Variants in PLCE1 observed in about 807,000 individuals in gnomAD.
PLCE1 encodes 1-phosphatidylinositol 4,5-bisphosphate phosphodiesterase epsilon-1.
In PLCE1, 119 loss-of-function variants were observed where a neutral mutation model predicts 242.8. The observed-to-expected ratio is 0.49, with a 90% confidence interval of 0.42 to 0.57. The LOEUF is 0.57. Ranked by LOEUF, PLCE1 falls within the 20% of genes least tolerant of loss-of-function variation. The pLI, the probability that PLCE1 is intolerant of heterozygous loss-of-function variation, is 0.00. For synonymous variants in PLCE1, 945 were observed against 1,017.4 expected (o/e 0.93, Z 1.35); for missense variants, 2,441 against 2,788.8 (o/e 0.88, Z 2.81).
intron 2 of PLCE1, among the ~76,000 whole-genome samples, chr10:94,130,433 C>T (rs1019500160): frequency 3.3e-5 from 5 of 152,146 alleles, no homozygotes; most frequent in Non-Finnish European, 7.4e-5. Flanking sequence ...GAGTATGTTA[C>T]ATGTTTATCA....
At chr10:94,197,182 A>G (rs767407431) in intron 4 of PLCE1, among the ~76,000 whole-genome samples, 1 of 152,132 alleles carries the variant, frequency 6.6e-6, no homozygotes, top group East Asian at 1.9e-4. Flanking sequence ...CATTTCTTTT[A>G]TGGCTGAATA....
intron 30 of PLCE1, 89 bp downstream of exon 30, chr10:94,322,148 G>C: frequency 7.9e-7 from 1 of 1,261,410 alleles, no homozygotes; most frequent in Non-Finnish European, 1.2e-6. Context: ...CATTTTATGA[G>C]TGAAGTTCCT....
intron 3 of PLCE1, among the ~76,000 whole-genome samples, chr10:94,154,138 A>C (rs937403267): frequency 2.6e-5 from 4 of 152,352 alleles, no homozygotes; most frequent in African/African-American, 9.6e-5. Context: ...GACCAATGGA[A>C]TAGAACACAG....
intron 1 of PLCE1, among the ~76,000 whole-genome samples, chr10:94,021,172 G>A (rs12779492): frequency 0.019 from 2,817 of 150,602 alleles, 55 homozygotes; most frequent in Non-Finnish European, 0.026. Flanking sequence ...AACCTTTTCA[G>A]ATATGTGTAC....
At chr10:94,212,953 A>C (rs1170376468) in intron 4 of PLCE1, among the ~76,000 whole-genome samples, 2 of 152,216 alleles carry the variant, frequency 1.3e-5, no homozygotes. Flanking sequence ...GCCGCATATG[A>C]ATAAGCAGGC....
intron 2 of PLCE1, among the ~76,000 whole-genome samples, chr10:94,079,263 G>A (rs113296192): frequency 0.016 from 2,431 of 152,186 alleles, 49 homozygotes; most frequent in Middle Eastern, 0.044. Flanking sequence ...CTGAGGTCAC[G>A]AAGCTCTCCC....
At chr10:94,213,451 A>G (rs914791012) in intron 4 of PLCE1, among the ~76,000 whole-genome samples, 1 of 152,072 alleles carries the variant, frequency 6.6e-6, no homozygotes, top group African/African-American at 2.4e-5. Flanking sequence ...GAACCTGTCT[A>G]TGACTCACAG....
At chr10:94,264,600 C>T (rs60341058) in intron 14 of PLCE1, among the ~76,000 whole-genome samples, 27,585 of 142,368 alleles carry the variant, frequency 0.19, 2,666 homozygotes, top group South Asian at 0.32. Flanking sequence ...TTGTTCACTG[C>T]AACCTCCGCC....
At chr10:94,081,788 A>T (rs1384073004) in intron 2 of PLCE1, among the ~76,000 whole-genome samples, 1 of 152,234 alleles carries the variant, frequency 6.6e-6, no homozygotes, top group Admixed American at 6.5e-5. Context: ...TAATTAACAG[A>T]GTCTGGGGTC....
intron 29 of PLCE1, among the ~76,000 whole-genome samples, chr10:94,317,402 G>A (rs2053613227): frequency 6.6e-6 from 1 of 152,164 alleles, no homozygotes; most frequent in African/African-American, 2.4e-5. Flanking sequence ...TTGTATGTGT[G>A]AAAAGACATC....
chr10:94,171,609 G>A, intron 4 of PLCE1, 113 bp downstream of exon 4: 1 of 854,138 alleles, frequency 1.2e-6, no homozygotes. Context: ...ATTCTGTCTT[G>A]CCACTTCCAT....
At chr10:94,019,796 T>C (rs1302566139) in intron 1 of PLCE1, among the ~76,000 whole-genome samples, 1 of 152,234 alleles carries the variant, frequency 6.6e-6, no homozygotes, top group Non-Finnish European at 1.5e-5. Flanking sequence ...CTGGCTTCTT[T>C]CATGCAATGT....
chr10:94,162,719 G>T (rs533760194), intron 3 of PLCE1, among the ~76,000 whole-genome samples: 3 of 152,194 alleles, frequency 2.0e-5, no homozygotes, highest in Admixed American at 6.5e-5. Context: ...GTTCGCTCTT[G>T]TTTCTCTAGT....
chr10:94,292,703 TATC>T (rs1417071752), intron 22 of PLCE1, among the ~76,000 whole-genome samples: 2 of 152,210 alleles, frequency 1.3e-5, no homozygotes, highest in Admixed American at 1.3e-4. Context: ...GAATGTGTAT[TATC>T]ATCTGAAATA....
intron 2 of PLCE1, among the ~76,000 whole-genome samples, chr10:94,121,708 C>T (rs1432673649): frequency 1.3e-5 from 2 of 152,194 alleles, no homozygotes; most frequent in Non-Finnish European, 2.9e-5. Context: ...AAAGACCATA[C>T]TCTTTCCACT....
Position 94,190,081 on chromosome 10 carries a change from G to A in PLCE1, c.1809+18585G>A, listed in dbSNP as rs1195072512. Among the ~76,000 whole-genome samples the A allele has an allele frequency of 2.6e-5, 4 of 152,148 alleles. No homozygotes were observed. In the East Asian group the frequency reaches 5.8e-4, roughly 22 times the overall value. On this transcript the variant is annotated intron_variant, in intron 4 of 32. Transcript: ENST00000371380. Reference sequence around the variant, plus strand: ...GTGGACTGCTTGAGCTCACAAGTTCGAGACCAGCCTGGGCAACATGGTGAA... The same window carrying A: ...GTGGACTGCTTGAGCTCACAAGTTCAAGACCAGCCTGGGCAACATGGTGAA...
chr10:94,212,570 T>A (rs1333532687), intron 4 of PLCE1, among the ~76,000 whole-genome samples: 1 of 152,202 alleles, frequency 6.6e-6, no homozygotes, highest in Admixed American at 6.5e-5. Flanking sequence ...TTTGTATTTT[T>A]AATAGAGATG....
intron 2 of PLCE1, among the ~76,000 whole-genome samples, chr10:94,097,527 G>A (rs2135446104): frequency 6.6e-6 from 1 of 152,282 alleles, no homozygotes; most frequent in East Asian, 1.9e-4. Context: ...TGAGCTTCCA[G>A]TCTAGCTGTG....
At chr10:94,223,233 CAAAAAAA>C (rs60764243) in intron 4 of PLCE1, among the ~76,000 whole-genome samples, 4 of 90,884 alleles carry the variant, frequency 4.4e-5, no homozygotes, top group African/African-American at 1.9e-4. Context: ...TCCATCTCTA[CAAAAAAA>C]AAAAAAAAAA....
Sources: gnomAD v4.1 joint callset for allele counts (sites outside exome capture counted in the v4.1 genomes callset) on GRCh38, gnomAD v4.1.1 for gene constraint, MANE v1.5 for transcripts, NCBI Gene and HGNC (gene_info 2026-07-23, HGNC 2026-07-21) for gene names.